Variants in MAP4K4 observed in about 807,000 individuals in gnomAD.
MAP4K4 encodes HPK/GCK-like kinase HGK.
MAP4K4 carries 38 observed loss-of-function variants against 189.6 expected under a neutral mutation model. The observed-to-expected ratio is 0.20, with a 90% CI of 0.15 to 0.26. The LOEUF (loss-of-function observed/expected upper bound fraction) is 0.26. MAP4K4 is among the 10% of genes least tolerant of loss of function. The probability of loss-of-function intolerance (pLI) is 1.00; values close to 1 mark genes in which losing one functional copy is unlikely to be tolerated. For missense variants in MAP4K4, 1,054 were observed against 1,726.9 expected (o/e 0.61, Z 6.91); for synonymous variants, 610 against 624.3 (o/e 0.98, Z 0.34).
chr2:101,850,851 G>A (rs1015694886), intron 12 of MAP4K4, among the ~76,000 whole-genome samples: 7 of 151,868 alleles, frequency 4.6e-5, no homozygotes, highest in Non-Finnish European at 8.8e-5. Flanking sequence ...CTAAAGATGG[G>A]GAAGAAATGA....
chr2:101,839,791 A>G, intron 9 of MAP4K4, 28 bp from the exon 10 acceptor site: 1 of 1,528,140 alleles, frequency 6.5e-7, no homozygotes. Context: ...TGTGGTGGAA[A>G]TTTGATGATC....
intron 15 of MAP4K4, chr2:101,860,138 A>C (rs1351422360): frequency 5.9e-6 from 3 of 504,354 alleles, no homozygotes; most frequent in Non-Finnish European, 1.1e-5. Flanking sequence ...ATTACATGAC[A>C]CAGTCACTCT....
intron 10 of MAP4K4, among the ~76,000 whole-genome samples, chr2:101,842,378 C>T (rs917798946): frequency 4.6e-5 from 7 of 152,278 alleles, no homozygotes; most frequent in Admixed American, 1.3e-4. Context: ...AAGGTTGGCT[C>T]GAATGCCGTG....
chr2:101,806,000 G>A (rs1378304228), intron 3 of MAP4K4, among the ~76,000 whole-genome samples: 1 of 152,010 alleles, frequency 6.6e-6, no homozygotes, highest in Non-Finnish European at 1.5e-5. Flanking sequence ...ATAAAGATAG[G>A]GAGACACAGC....
chr2:101,873,716 A>AT lies in MAP4K4; in HGVS notation c.3022_3023insT (p.Arg1008MetfsTer9). ...CTCCTTTACACCTTTTATAGACCCC[A>AT]GATTACTACAGATTTCTCCATCTAG... On this transcript the variant is annotated frameshift_variant, in exon 25 of 33. Transcript: ENST00000324219. LOFTEE classifies it high-confidence loss of function. 6.2e-7 allele frequency: 1 copy of AT among 1,612,988 alleles called. No individual in the cohort carries two copies. Among genetic ancestry groups the AT allele is most frequent in the Non-Finnish European group, 8.5e-7 (1 of 1,179,072 alleles).
At chr2:101,868,430 G>C (rs1376031999) in intron 21 of MAP4K4, among the ~76,000 whole-genome samples, 2 of 152,160 alleles carry the variant, frequency 1.3e-5, no homozygotes, top group African/African-American at 2.4e-5. Flanking sequence ...TTTAAAAAGT[G>C]ATTACTTTTA....
intron 2 of MAP4K4, among the ~76,000 whole-genome samples, chr2:101,758,038 C>T (rs1411622599): frequency 6.6e-6 from 1 of 152,080 alleles, no homozygotes; most frequent in Non-Finnish European, 1.5e-5. Context: ...AACAAACAAA[C>T]AAAAGCAATA....
At chr2:101,750,209 A>T (rs1180702383) in intron 2 of MAP4K4, among the ~76,000 whole-genome samples, 7 of 148,082 alleles carry the variant, frequency 4.7e-5, no homozygotes, top group Admixed American at 2.0e-4. Context: ...ACACATGCAC[A>T]CATATGTTTA....
chr2:101,874,373 C>T, intron 26 of MAP4K4, 121 bp downstream of exon 26: 1 of 836,228 alleles, frequency 1.2e-6, no homozygotes, highest in Non-Finnish European at 1.9e-6. Context: ...CTATGATGTC[C>T]ATCTCCTGTT....
chr2:101,732,694 A>G (rs1046734524), intron 2 of MAP4K4, among the ~76,000 whole-genome samples: 1 of 152,014 alleles, frequency 6.6e-6, no homozygotes, highest in Non-Finnish European at 1.5e-5. Flanking sequence ...AATTCAAGCT[A>G]TCTCCTGCCT....
intron 2 of MAP4K4, among the ~76,000 whole-genome samples, chr2:101,752,648 A>G (rs2069755914): frequency 6.6e-6 from 1 of 152,172 alleles, no homozygotes; most frequent in Non-Finnish European, 1.5e-5. Flanking sequence ...TTCACCTATG[A>G]GGATGAATTT....
At chr2:101,887,041 AAAAT>A (rs761310841) in intron 29 of MAP4K4, 43 bp from the exon 30 acceptor site, 15 of 1,358,914 alleles carry the variant, frequency 1.1e-5, no homozygotes, top group Middle Eastern at 2.4e-4. Flanking sequence ...AAAAAAAAAA[AAAAT>A]GTTCTCCTTC....
intron 7 of MAP4K4, among the ~76,000 whole-genome samples, chr2:101,832,526 ATTT>A (rs1324907984): frequency 6.6e-6 from 1 of 152,216 alleles, no homozygotes; most frequent in Admixed American, 6.5e-5. Context: ...ATGAGACTTA[ATTT>A]AAGACTGTAG....
intron 15 of MAP4K4, chr2:101,860,069 G>A (rs1464897246): frequency 6.6e-6 from 4 of 603,516 alleles, no homozygotes; most frequent in Non-Finnish European, 1.2e-5. Context: ...TTCCATAAAG[G>A]ACCAGAGTGC....
rs925178504 is a variant in MAP4K4, at chr2:101,800,988, T to TA, written c.180+10220dup. Among the ~76,000 whole-genome samples the TA allele has an allele frequency of 2.8e-4, 42 of 151,550 alleles. 1 individual carries two copies. Among genetic ancestry groups the TA allele is most frequent in the African/African-American group, 1.0e-3 (42 of 41,224 alleles). On this transcript the variant is annotated intron_variant, in intron 3 of 32. Coordinates refer to ENST00000324219, the Ensembl canonical transcript of MAP4K4. ...TTTCTAAGTAAAATAAATGGTTGAG[T>TA]AAAAAAAATCGCCCAACAAATTTTG...
chr2:101,705,576 A>T (rs2149226958), intron 2 of MAP4K4, among the ~76,000 whole-genome samples: 1 of 152,344 alleles, frequency 6.6e-6, no homozygotes, highest in African/African-American at 2.4e-5. Context: ...TACTTTTTTT[A>T]CTCGTAGAAT....
chr2:101,861,098 A>G (rs559385462), intron 16 of MAP4K4, 112 bp downstream of exon 16: 2 of 981,674 alleles, frequency 2.0e-6, no homozygotes, highest in South Asian at 1.7e-5. Flanking sequence ...AAAAGAGGAG[A>G]GATTAGCAGG....
chr2:101,725,655 T>A (rs1464247043), intron 2 of MAP4K4, among the ~76,000 whole-genome samples: 1 of 152,164 alleles, frequency 6.6e-6, no homozygotes, highest in Non-Finnish European at 1.5e-5. Flanking sequence ...CCATTTTGGC[T>A]TCAAGTCTGT....
At chr2:101,866,253 A>C (rs1483529593) in intron 18 of MAP4K4, among the ~76,000 whole-genome samples, 175 bp from the exon 19 acceptor site, 3 of 152,234 alleles carry the variant, frequency 2.0e-5, no homozygotes, top group Admixed American at 2.0e-4. Context: ...ATAAAAATCC[A>C]TGAACAATGT....
Sources: allele counts gnomAD v4.1 joint callset (sites outside exome capture counted in the v4.1 genomes callset), GRCh38; gene constraint gnomAD v4.1.1; transcripts MANE v1.5; gene names NCBI Gene and HGNC (gene_info 2026-07-23, HGNC 2026-07-21).